DIS3L2: variants seen among roughly 807,000 people sequenced by gnomAD.
DIS3L2 encodes DIS3-like exonuclease 2.
Under a neutral mutation model 97.5 loss-of-function variants are expected in DIS3L2, and 34 were observed. The observed-to-expected ratio is 0.35, with a 90% CI of 0.27 to 0.46. The LOEUF is 0.46. Ranked by LOEUF, DIS3L2 falls within the 20% of genes least tolerant of loss-of-function variation. The pLI is 1.00. For synonymous variants in DIS3L2, 435 were observed against 445.2 expected, an observed-to-expected ratio of 0.98 and a Z score of 0.29; for missense variants, 1,038 against 1,146.0, an observed-to-expected ratio of 0.91 and a Z score of 1.36.
intron 6 of DIS3L2, among the ~76,000 whole-genome samples, chr2:232,109,980 G>C (rs1024011248): frequency 6.6e-6 from 1 of 152,124 alleles, no homozygotes; most frequent in Non-Finnish European, 1.5e-5. Flanking sequence ...CTAATATTTA[G>C]CATCTATAAG....
intron 12 of DIS3L2, among the ~76,000 whole-genome samples, chr2:232,249,899 T>A (rs982253556): frequency 1.3e-5 from 2 of 152,104 alleles, no homozygotes; most frequent in Non-Finnish European, 2.9e-5. Flanking sequence ...AGCAAGGTAG[T>A]GCTATAATCA....
At chr2:232,005,342 T>C (rs1393724459) in intron 1 of DIS3L2, among the ~76,000 whole-genome samples, 2 of 152,150 alleles carry the variant, frequency 1.3e-5, no homozygotes, top group Non-Finnish European at 2.9e-5. Context: ...GTCCTACATG[T>C]CTACATGGCT....
Position 232,238,578 on chromosome 2 carries a change from T to C in DIS3L2, c.1250T>C (p.Val417Ala), listed in dbSNP as rs1574964983. ...GVHIADVSYF[V>A]PEGSDLDKVA... ...CACATTGCTGACGTGAGTTACTTTG[T>C]TCCGGAGGGATCTGATCTGGATAAA... The change falls in exon 11 of 21, where the codon GTT (valine) becomes GCT (alanine). Residue 417 changes from valine (V) to alanine (A), a missense_variant. This residue lies in a region of DIS3L2 where 813 missense variants were observed against 880.1 expected (regional missense o/e 0.92). Transcript: ENST00000325385. 1 of 1,614,238 alleles carries C rather than the reference T, an allele frequency of 6.2e-7. No individual in the cohort carries two copies. The highest frequency in any genetic ancestry group is 8.5e-7 in the Non-Finnish European group (1 of 1,180,032).
intron 1 of DIS3L2, among the ~76,000 whole-genome samples, chr2:232,000,315 A>G (rs1693841233): frequency 6.6e-6 from 1 of 152,190 alleles, no homozygotes. Flanking sequence ...TGTATACAAT[A>G]TATTGTTATT....
At chr2:232,079,354 T>C (rs1289724399) in intron 5 of DIS3L2, among the ~76,000 whole-genome samples, 1 of 151,982 alleles carries the variant, frequency 6.6e-6, no homozygotes, top group East Asian at 1.9e-4. Context: ...CCCAGCACTT[T>C]GGGAGGCTGA....
intron 9 of DIS3L2, among the ~76,000 whole-genome samples, chr2:232,194,288 T>C (rs1691691902): frequency 3.3e-5 from 5 of 151,988 alleles, no homozygotes; most frequent in Admixed American, 2.6e-4. Context: ...GAAATAGATA[T>C]TGTTGGAATT....
chr2:232,125,275 C>T (rs1698027045), intron 6 of DIS3L2, among the ~76,000 whole-genome samples: 1 of 152,220 alleles, frequency 6.6e-6, no homozygotes, highest in Admixed American at 6.5e-5. Context: ...GCATTTTTGT[C>T]TCCCTTCCAA....
intron 1 of DIS3L2, among the ~76,000 whole-genome samples, chr2:232,000,668 C>CCTTTCCTTTCCTTTCCTT (rs1388847659): frequency 9.4e-6 from 1 of 106,094 alleles, no homozygotes; most frequent in African/African-American, 3.6e-5. Context: ...CTTTCTCTTT[C>CCTTTCCTTTCCTTTCCTT]TCTCTTTCTC....
chr2:232,022,898 G>T (rs760323164), intron 3 of DIS3L2, among the ~76,000 whole-genome samples: 5 of 152,164 alleles, frequency 3.3e-5, no homozygotes, highest in Non-Finnish European at 7.4e-5. Context: ...TTTAACAAGG[G>T]ACTGGCCTTG....
At chr2:232,227,275 G>A (rs1344432723) in intron 10 of DIS3L2, among the ~76,000 whole-genome samples, 3 of 152,174 alleles carry the variant, frequency 2.0e-5, no homozygotes, top group East Asian at 1.9e-4. Flanking sequence ...AAAGAAGCAA[G>A]TATGAGTTTG....
intron 9 of DIS3L2, among the ~76,000 whole-genome samples, chr2:232,201,801 AAC>A (rs1330514754): frequency 1.3e-5 from 2 of 152,188 alleles, no homozygotes; most frequent in African/African-American, 4.8e-5. Context: ...GTCAAAAATA[AAC>A]ACACAAAACA....
In DIS3L2 at chr2:232,333,875, C is replaced by T. The variant is rs1256357226; in HGVS notation, c.2046C>T (p.Asp682=). The change falls in exon 17 of 21, where the codon GAC becomes GAT. Residue 682 remains aspartate, a synonymous_variant. Coordinates refer to ENST00000325385, the MANE Select transcript of DIS3L2 (RefSeq NM_152383.5). ...ACTTCTGCTCGGGGCTGCTGCAGGA[C>T]CCAGCGCAGTTCCGGCACTACGCGC... ...ALYFCSGLLQ[D]PAQFRHYALN... The T allele has an allele frequency of 2.5e-6, 4 of 1,612,664 alleles. No homozygotes were observed. The highest frequency in any genetic ancestry group is 3.4e-6 in the Non-Finnish European group (4 of 1,179,886).
At chr2:232,302,556 C>CT (rs10708239) in intron 14 of DIS3L2, among the ~76,000 whole-genome samples, 173 of 140,448 alleles carry the variant, frequency 1.2e-3, no homozygotes, top group East Asian at 1.7e-3. Context: ...TCTTCTTCTT[C>CT]TTTTTTTTTT....
intron 13 of DIS3L2, among the ~76,000 whole-genome samples, chr2:232,273,897 C>T (rs889677595): frequency 6.6e-6 from 1 of 152,136 alleles, no homozygotes; most frequent in African/African-American, 2.4e-5. Context: ...GGGATGAAAG[C>T]GATTTGTGTA....
Position 232,063,444 on chromosome 2 carries a change from T to C in DIS3L2, c.367-24043T>C, listed in dbSNP as rs116899591. On this transcript the variant is annotated intron_variant, in intron 5 of 20. Coordinates refer to ENST00000325385, the MANE Select transcript of DIS3L2 (RefSeq NM_152383.5). ...ATACGAATGACATTTAAGGCCCTCC[T>C]TGGCAAGGATGAGCTCATTCTTCCT... 1.2e-4 allele frequency among the ~76,000 whole-genome samples: 19 copies of C among 152,354 alleles called. No individual in the cohort carries two copies. The East Asian group carries it at 3.7e-3, about 29-fold the overall frequency.
intron 1 of DIS3L2, among the ~76,000 whole-genome samples, chr2:231,987,105 G>A (rs1194542294): frequency 1.3e-5 from 2 of 152,176 alleles, no homozygotes; most frequent in African/African-American, 4.8e-5. Context: ...ACCCTAAGTT[G>A]TCTGGGCTGT....
chr2:232,121,666 C>G (rs1021709608), intron 6 of DIS3L2, among the ~76,000 whole-genome samples: 2 of 152,126 alleles, frequency 1.3e-5, no homozygotes, highest in Admixed American at 1.3e-4. Context: ...CTGGAAGGCT[C>G]GTGAAGCTAC....
intron 3 of DIS3L2, among the ~76,000 whole-genome samples, chr2:232,016,880 A>G (rs1330423242): frequency 6.6e-6 from 1 of 151,270 alleles, no homozygotes; most frequent in Non-Finnish European, 1.5e-5. Flanking sequence ...AGATGCTGTC[A>G]TCTTCTCTTC....
At chr2:232,304,460 A>G (rs1482764569) in intron 14 of DIS3L2, among the ~76,000 whole-genome samples, 2 of 152,220 alleles carry the variant, frequency 1.3e-5, no homozygotes, top group Admixed American at 6.5e-5. Flanking sequence ...GTGGGATGAT[A>G]TGCACTTTGG....
Sources: gnomAD v4.1 joint callset for allele counts (sites outside exome capture counted in the v4.1 genomes callset) on GRCh38, gnomAD v4.1.1 for gene constraint, gnomAD v4.1.1 regional missense constraint, MANE v1.5 for transcripts, NCBI Gene and HGNC (gene_info 2026-07-23, HGNC 2026-07-21) for gene names.